GRIPAP1: variants seen among roughly 807,000 people sequenced by gnomAD.
GRIPAP1 encodes GRIP1 associated protein 1.
In GRIPAP1, 14 loss-of-function variants were observed where a neutral mutation model predicts 84.1. The ratio of observed to expected loss-of-function variants is 0.17; its 90% CI spans 0.11 to 0.26. The LOEUF is 0.26. Among genes scored for constraint, GRIPAP1 ranks in the 10% least tolerant of loss-of-function variants. The pLI, the probability that GRIPAP1 is intolerant of heterozygous loss-of-function variation, is 1.00. For missense variants in GRIPAP1, 518 were observed against 674.2 expected (o/e 0.77, Z 2.57); for synonymous variants, 261 against 256.8 (o/e 1.02, Z -0.15).
chrX:48,974,850 C>T (rs1458311511), intron 25 of GRIPAP1, among the ~76,000 whole-genome samples: 2 of 111,365 alleles, frequency 1.8e-5, no homozygotes, highest in Non-Finnish European at 3.8e-5. Context: ...AAATGGGTGG[C>T]AGGACATGGG....
At chrX:48,978,782 G>A (rs1341099229) in intron 21 of GRIPAP1, among the ~76,000 whole-genome samples, 8 of 108,566 alleles carry the variant, frequency 7.4e-5, no homozygotes, top group African/African-American at 2.0e-4. Flanking sequence ...TAATTCCAGC[G>A]ATTCAGGAGG....
At chrX:48,999,599 G>A (rs1430345411) in intron 1 of GRIPAP1, 95 bp from the exon 2 acceptor site, 6 of 572,690 alleles carry the variant, frequency 1.0e-5, no homozygotes, top group Admixed American at 2.9e-5. Context: ...CAGACCTTAC[G>A]CCCTCCATGT....
chrX:48,992,631 T>A (rs1361102954), intron 6 of GRIPAP1, among the ~76,000 whole-genome samples: 12 of 111,027 alleles, frequency 1.1e-4, no homozygotes, highest in African/African-American at 3.6e-4. Context: ...CTACTCACAT[T>A]CTACTAAGTC....
chrX:48,999,007 T>G (rs989345790), intron 3 of GRIPAP1: 44 of 374,151 alleles, frequency 1.2e-4, no homozygotes, highest in Non-Finnish European at 1.7e-4. Flanking sequence ...AATGAGTAAC[T>G]GAAATTAGAA....
chrX:48,985,986 T>C (rs1557063619), intron 13 of GRIPAP1, among the ~76,000 whole-genome samples: 1 of 111,225 alleles, frequency 9.0e-6, no homozygotes, highest in Non-Finnish European at 1.9e-5. Flanking sequence ...CTCATGCCTG[T>C]AATCCCAGCA....
At chrX:48,990,279 T>G (rs2064513045) in intron 8 of GRIPAP1, among the ~76,000 whole-genome samples, 1 of 111,529 alleles carries the variant, frequency 9.0e-6, no homozygotes, top group Admixed American at 9.5e-5. Context: ...CAAAGCCCGG[T>G]ATTTATGCTC....
intron 5 of GRIPAP1, among the ~76,000 whole-genome samples, chrX:48,994,004 T>C (rs2064533437): frequency 1.8e-5 from 2 of 109,952 alleles, no homozygotes; most frequent in African/African-American, 6.6e-5. Flanking sequence ...TCGCAGGGCA[T>C]TTCCAGGGCC....
At chrX:48,982,856 T>C (rs1202901143) in intron 17 of GRIPAP1, 123 bp downstream of exon 17, 3 of 492,327 alleles carry the variant, frequency 6.1e-6, no homozygotes, top group East Asian at 3.6e-5. Flanking sequence ...GCCAGGGGAC[T>C]GTGGGGATAT....
At chrX:48,986,732 T>C (rs782267884) in intron 13 of GRIPAP1, among the ~76,000 whole-genome samples, 14 of 112,258 alleles carry the variant, frequency 1.2e-4, no homozygotes, top group Admixed American at 8.5e-4. Flanking sequence ...GGTTTTGCCA[T>C]GTTGGCTAGG....
chrX:48,991,439 C>T (rs1459898951), intron 6 of GRIPAP1: 1 of 203,602 alleles, frequency 4.9e-6, no homozygotes. Context: ...GCCATCATGC[C>T]GGGCTAATTT....
Position 48,976,366 on chromosome X carries a change from G to A in GRIPAP1, c.2062-3C>T, listed in dbSNP as rs782421326. The A allele has an allele frequency of 3.3e-6, 4 of 1,197,715 alleles. No homozygotes were observed. Among genetic ancestry groups the A allele is most frequent in the Middle Eastern group, 2.7e-4 (1 of 3,718 alleles). On this transcript the variant is annotated splice_polypyrimidine_tract_variant and splice_region_variant and intron_variant, in intron 22 of 25. Coordinates refer to ENST00000376423, the MANE Select transcript of GRIPAP1 (RefSeq NM_020137.5). The stretch of plus-strand genomic sequence containing the variant: ...GCTTGAGGGCTGCTGGATAAGGACT[G>A]CAGGAAAGAGAAGGGGAGAGGCCAG...
Position 48,981,444 on chromosome X carries a change from C to T in GRIPAP1, c.1802G>A (p.Arg601Lys), listed in dbSNP as rs2064456304. 4 of 1,210,941 alleles carry T rather than the reference C, an allele frequency of 3.3e-6. No individual in the cohort carries two copies. Among genetic ancestry groups the T allele is most frequent in the Non-Finnish European group, 4.5e-6 (4 of 894,956 alleles). Residue 601 changes from arginine to lysine, a missense_variant, in exon 20 of 26, where the codon AGG becomes AAG. Arg to Lys is a conservative substitution (Grantham distance 26). Around this residue, in one of 5 missense-constraint regions of GRIPAP1, gnomAD observed 18 missense variants for 44.8 expected, o/e 0.40. Coordinates refer to ENST00000376423, the MANE Select transcript of GRIPAP1 (RefSeq NM_020137.5). ...QEVKDTVDGQ[R>K]ILEKKGSAAL... ...AGCACTGCCCTTCTTCTCCAGGATC[C>T]TCTGCCCATCCACTGTGTCCTTCAC...
intron 17 of GRIPAP1, among the ~76,000 whole-genome samples, chrX:48,982,455 G>A (rs1286415466): frequency 8.9e-6 from 1 of 112,487 alleles, no homozygotes; most frequent in African/African-American, 3.2e-5. Context: ...AGCTCACTGC[G>A]ACCTCTGCCT....
intron 6 of GRIPAP1, among the ~76,000 whole-genome samples, chrX:48,992,401 C>A (rs782289743): frequency 8.9e-6 from 1 of 112,392 alleles, no homozygotes; most frequent in Non-Finnish European, 1.9e-5. Context: ...CTCAGCCTCC[C>A]AGAGTGCTGG....
chrX:48,999,135 A>C (rs1446683006), intron 3 of GRIPAP1, 103 bp downstream of exon 3: 1 of 527,080 alleles, frequency 1.9e-6, no homozygotes, highest in Non-Finnish European at 3.2e-6. Flanking sequence ...AGCATGCAAC[A>C]TTAGGTCTGG....
Position 48,983,106 on chromosome X carries a change from G to C in GRIPAP1, c.1486-14C>G, listed in dbSNP as rs2064466655. ...CCGTGTCCGGGCCTGGGATGGGGCAGACTGTCATGGGCCAGGAAGGCAGAG... is the reference window on the plus strand; with the variant it reads ...CCGTGTCCGGGCCTGGGATGGGGCACACTGTCATGGGCCAGGAAGGCAGAG... On this transcript the variant is annotated splice_polypyrimidine_tract_variant and intron_variant, in intron 16 of 25. Transcript: ENST00000376423. 4.3e-6 allele frequency: 5 copies of C among 1,155,903 alleles called. No homozygotes were observed. The highest frequency in any genetic ancestry group is 5.9e-6 in the Non-Finnish European group (5 of 844,092).
intron 16 of GRIPAP1, 43 bp from the exon 17 acceptor site, chrX:48,983,135 C>T (rs781975913): frequency 6.3e-6 from 7 of 1,117,481 alleles, no homozygotes; most frequent in Admixed American, 2.2e-5. Flanking sequence ...GGCAGAGGAG[C>T]GGGCACCTGA....
At chrX:48,975,490 C>T (rs1557060140) in intron 24 of GRIPAP1, 181 bp from the exon 25 acceptor site, 2 of 409,875 alleles carry the variant, frequency 4.9e-6, no homozygotes, top group East Asian at 4.0e-5. Context: ...TCTATGGCCC[C>T]GAGAAATGAG....
intron 14 of GRIPAP1, 113 bp downstream of exon 14, chrX:48,985,155 A>C (rs782076152): frequency 1.5e-5 from 9 of 591,183 alleles, no homozygotes; most frequent in African/African-American, 2.2e-5. Context: ...TTAGGGAGCC[A>C]GACTGGAACC....
Sources: gnomAD v4.1 joint callset for allele counts (sites outside exome capture counted in the v4.1 genomes callset) on GRCh38, gnomAD v4.1.1 for gene constraint, gnomAD v4.1.1 regional missense constraint, MANE v1.5 for transcripts, NCBI Gene and HGNC (gene_info 2026-07-23, HGNC 2026-07-21) for gene names.